The following ZFHX3 variants were observed in gnomAD, a reference collection of about 807,000 sequenced individuals.
ZFHX3 encodes the protein zinc finger homeobox protein 3.
A neutral mutation model predicts 279.1 loss-of-function variants in ZFHX3; 42 were observed. The ratio of observed to expected loss-of-function variants is 0.15; its 90% CI spans 0.12 to 0.19. The LOEUF (loss-of-function observed/expected upper bound fraction) is 0.19. Ranked by LOEUF, ZFHX3 falls within the 10% of genes least tolerant of loss-of-function variation. The pLI, the probability that ZFHX3 is intolerant of heterozygous loss-of-function variation, is 1.00. For synonymous variants in ZFHX3, 2,293 were observed against 1,957.8 expected, an observed-to-expected ratio of 1.17 and a Z score of -4.52; for missense variants, 4,981 against 4,754.0, an observed-to-expected ratio of 1.05 and a Z score of -1.40.
chr16:73,362,358 C>T (rs947094766), intron 3 of ZFHX3, among the ~76,000 whole-genome samples: 11 of 152,312 alleles, frequency 7.2e-5, no homozygotes, highest in African/African-American at 2.4e-4. Context: ...TGCCTGGGGG[C>T]TTGACCACCC....
At chr16:73,023,819 G>A (rs772670773) in intron 1 of ZFHX3, among the ~76,000 whole-genome samples, 10 of 152,134 alleles carry the variant, frequency 6.6e-5, no homozygotes, top group Non-Finnish European at 1.0e-4. Context: ...CACACACCAC[G>A]ACGTCAGCCC....
chr16:72,883,823 A>T (rs1283965779), intron 4 of ZFHX3, among the ~76,000 whole-genome samples: 6 of 152,160 alleles, frequency 3.9e-5, no homozygotes, highest in African/African-American at 1.2e-4. Flanking sequence ...TTTACATTTA[A>T]CTTCTCTAGT....
intron 1 of ZFHX3, among the ~76,000 whole-genome samples, chr16:73,817,314 T>C (rs1167746599): frequency 2.6e-5 from 4 of 152,206 alleles, no homozygotes; most frequent in African/African-American, 9.6e-5. Flanking sequence ...ATGTAATTCA[T>C]TGACTTATTC....
chr16:73,617,684 A>G (rs1289793519), intron 2 of ZFHX3, among the ~76,000 whole-genome samples: 1 of 147,682 alleles, frequency 6.8e-6, no homozygotes, highest in Non-Finnish European at 1.5e-5. Context: ...GACTGTGTTT[A>G]CAGGAGAAAA....
intron 1 of ZFHX3, among the ~76,000 whole-genome samples, chr16:73,694,463 C>A (rs112607059): frequency 6.6e-6 from 1 of 152,058 alleles, no homozygotes; most frequent in African/African-American, 2.4e-5. Flanking sequence ...TCTGCCTCAC[C>A]CTCCTGAGTA....
Position 72,795,390 on chromosome 16 carries a change from T to G in ZFHX3, c.7292A>C (p.Lys2431Thr). ...SKTEAGDEKP[K>T]LAEAPSAQPN... is the part of the protein sequence containing the mutation. Reference sequence around the variant, plus strand: ...CTGTGCACTGGGAGCTTCCGCCAGCTTTGGTTTCTCATCGCCTGCCTCTGT... The same window carrying G: ...CTGTGCACTGGGAGCTTCCGCCAGCGTTGGTTTCTCATCGCCTGCCTCTGT... Residue 2431 changes from lysine to threonine, a missense_variant, in exon 9 of 10, where the codon AAG becomes ACG. Lys to Thr is a moderately conservative substitution (Grantham distance 78). Transcript: ENST00000268489. The G allele has an allele frequency of 6.2e-7, 1 of 1,614,144 alleles. No homozygotes were observed. The highest frequency in any genetic ancestry group is 8.5e-7 in the Non-Finnish European group (1 of 1,180,040).
intron 3 of ZFHX3, chr16:73,421,098 T>C (rs1203349783): frequency 6.6e-6 from 1 of 152,210 alleles, no homozygotes; most frequent in African/African-American, 2.4e-5. Flanking sequence ...AACATGCCAG[T>C]TGATACCACA....
At chr16:73,476,253 A>T (rs904392002) in intron 2 of ZFHX3, among the ~76,000 whole-genome samples, 1 of 152,162 alleles carries the variant, frequency 6.6e-6, no homozygotes, top group Non-Finnish European at 1.5e-5. Flanking sequence ...ATTTTAACGT[A>T]AAGTTTTTTT....
chr16:73,288,413 G>A (rs188782090), intron 4 of ZFHX3, among the ~76,000 whole-genome samples: 1 of 152,180 alleles, frequency 6.6e-6, no homozygotes, highest in East Asian at 1.9e-4. Context: ...CCTTGCTGAT[G>A]GGCACTTACA....
At chr16:73,819,784 T>C (rs573768537) in intron 1 of ZFHX3, among the ~76,000 whole-genome samples, 5 of 152,292 alleles carry the variant, frequency 3.3e-5, no homozygotes, top group South Asian at 2.1e-4. Flanking sequence ...ACATTCAGAA[T>C]GTCACCTAGT....
At chr16:72,901,427 G>A (rs1206212375) in intron 3 of ZFHX3, among the ~76,000 whole-genome samples, 1 of 152,198 alleles carries the variant, frequency 6.6e-6, no homozygotes, top group Non-Finnish European at 1.5e-5. Context: ...CATAATGAGA[G>A]AAGACAGGGC....
At chr16:73,415,408 G>A (rs1227352525) in intron 3 of ZFHX3, among the ~76,000 whole-genome samples, 1 of 152,112 alleles carries the variant, frequency 6.6e-6, no homozygotes, top group African/African-American at 2.4e-5. Context: ...CAACCATTAA[G>A]CCTTAAATGG....
At chr16:72,911,841 G>A (rs1426054766) in intron 3 of ZFHX3, among the ~76,000 whole-genome samples, 2 of 152,120 alleles carry the variant, frequency 1.3e-5, no homozygotes, top group Admixed American at 1.3e-4. Flanking sequence ...ATCACATCTA[G>A]TTACCTGGAT....
intron 1 of ZFHX3, among the ~76,000 whole-genome samples, chr16:73,805,697 C>A (rs903981876): frequency 6.6e-6 from 1 of 152,178 alleles, no homozygotes; most frequent in African/African-American, 2.4e-5. Context: ...TAGCAATGGA[C>A]AAAACAGTTA....
chr16:72,802,891 G>A (rs1015821055), intron 7 of ZFHX3, among the ~76,000 whole-genome samples: 2 of 152,128 alleles, frequency 1.3e-5, no homozygotes, highest in African/African-American at 4.8e-5. Context: ...GCTCACTGAG[G>A]TGATATATAT....
intron 2 of ZFHX3, among the ~76,000 whole-genome samples, chr16:73,647,280 A>G (rs2052628282): frequency 6.6e-6 from 1 of 152,122 alleles, no homozygotes; most frequent in Non-Finnish European, 1.5e-5. Flanking sequence ...CGGTTGTACC[A>G]ACTTTTAAAG....
chr16:72,982,016 G>A (rs76591958), intron 1 of ZFHX3, among the ~76,000 whole-genome samples: 37 of 151,872 alleles, frequency 2.4e-4, no homozygotes, highest in African/African-American at 8.0e-4. Flanking sequence ...CTGAGTAGCT[G>A]GGATTACACG....
At chr16:73,785,863 C>G (rs976161044) in intron 1 of ZFHX3, among the ~76,000 whole-genome samples, 30 of 152,070 alleles carry the variant, frequency 2.0e-4, no homozygotes, top group African/African-American at 6.7e-4. Flanking sequence ...GTAACCATTT[C>G]TAATCTTGAA....
intron 5 of ZFHX3, among the ~76,000 whole-genome samples, chr16:73,148,235 T>C (rs1966876650): frequency 6.6e-6 from 1 of 152,166 alleles, no homozygotes; most frequent in African/African-American, 2.4e-5. Context: ...TGGCCCTTTA[T>C]AGTAAACGTT....
Sources: allele counts gnomAD v4.1 joint callset (sites outside exome capture counted in the v4.1 genomes callset), GRCh38; gene constraint gnomAD v4.1.1; transcripts MANE v1.5; gene names NCBI Gene and HGNC (gene_info 2026-07-23, HGNC 2026-07-21).